The following GATAD2B variants were observed in gnomAD, a reference collection of about 807,000 sequenced individuals.
GATAD2B encodes transcriptional repressor p66-beta.
A neutral mutation model predicts 64.3 loss-of-function variants in GATAD2B; 8 were observed. That is an observed-to-expected ratio of 0.12 (90% CI 0.07 to 0.22). The LOEUF (loss-of-function observed/expected upper bound fraction) is 0.22. GATAD2B is among the 10% of genes least tolerant of loss of function. GATAD2B has a pLI of 1.00. For synonymous variants in GATAD2B, 281 were observed against 271.3 expected (o/e 1.04, Z -0.35); for missense variants, 453 against 752.0 (o/e 0.60, Z 4.65).
At chr1:153,846,621 G>A (rs994917888) in intron 1 of GATAD2B, among the ~76,000 whole-genome samples, 5 of 141,698 alleles carry the variant, frequency 3.5e-5, no homozygotes, top group African/African-American at 1.4e-4. Context: ...GAATGCAGTC[G>A]CGCGATCTCG....
At chr1:153,836,280 T>C (rs1391994294) in intron 1 of GATAD2B, among the ~76,000 whole-genome samples, 1 of 150,488 alleles carries the variant, frequency 6.6e-6, no homozygotes, top group African/African-American at 2.4e-5. Flanking sequence ...TTTTTTTTTT[T>C]TTAGACAGTC....
chr1:153,908,799 AAAAGAAAGAAAG>A (rs1375639844), intron 1 of GATAD2B, among the ~76,000 whole-genome samples: 1 of 149,564 alleles, frequency 6.7e-6, no homozygotes, highest in Non-Finnish European at 1.5e-5. Context: ...AAAAAAAAAA[AAAAGAAAGAAAG>A]AAAGAAACAA....
chr1:153,840,190 G>A (rs1290775031), intron 1 of GATAD2B, among the ~76,000 whole-genome samples: 2 of 148,730 alleles, frequency 1.3e-5, no homozygotes, highest in Non-Finnish European at 3.0e-5. Context: ...CTGCCATCAC[G>A]CCCGGCTAAT....
At chr1:153,856,164 T>C (rs1676076951) in intron 1 of GATAD2B, among the ~76,000 whole-genome samples, 1 of 152,244 alleles carries the variant, frequency 6.6e-6, no homozygotes, top group Non-Finnish European at 1.5e-5. Flanking sequence ...ATGATTATAT[T>C]GGCCCACCTG....
Position 153,868,771 on chromosome 1 carries a change from C to T in GATAD2B, c.-1-40423G>A, listed in dbSNP as rs1270496666. On this transcript the variant is annotated intron_variant, in intron 1 of 10. Coordinates refer to ENST00000368655, the MANE Select transcript of GATAD2B (RefSeq NM_020699.4). ...TTTTTTTTTTGAGAGATTCTTGCTCCGTCACCCAGGGTGGAGTGCAGTGGC... is the reference window on the plus strand; with the variant it reads ...TTTTTTTTTTGAGAGATTCTTGCTCTGTCACCCAGGGTGGAGTGCAGTGGC... 3.4e-5 allele frequency among the ~76,000 whole-genome samples: 5 copies of T among 149,012 alleles called. No individual in the cohort carries two copies. In the East Asian group the frequency reaches 9.8e-4, roughly 29 times the overall value.
rs768413270 is a variant in GATAD2B, at chr1:153,828,358, G to C, written c.-1-10C>G. ...TGTCATTCTATCCATCCTATGGAAA[G>C]AAAAATACAAGTAAGATCAGAATAA... is the stretch of plus-strand genomic sequence containing the variant. On this transcript the variant is annotated splice_polypyrimidine_tract_variant and intron_variant, in intron 1 of 10. Transcript: ENST00000368655. 2.5e-6 allele frequency: 4 copies of C among 1,595,396 alleles called. No homozygotes were observed. Among genetic ancestry groups the C allele is most frequent in the Non-Finnish European group, 3.4e-6 (4 of 1,172,990 alleles).
At chr1:153,901,540 T>C (rs1404617917) in intron 1 of GATAD2B, among the ~76,000 whole-genome samples, 1 of 151,980 alleles carries the variant, frequency 6.6e-6, no homozygotes, top group Non-Finnish European at 1.5e-5. Flanking sequence ...GGTTAAAATG[T>C]CCAACTGCGC....
intron 1 of GATAD2B, among the ~76,000 whole-genome samples, chr1:153,905,353 G>T (rs952018920): frequency 6.6e-6 from 1 of 151,548 alleles, no homozygotes; most frequent in African/African-American, 2.4e-5. Flanking sequence ...CTCCAGCCTG[G>T]GTGACAGAGC....
intron 1 of GATAD2B, among the ~76,000 whole-genome samples, chr1:153,917,512 G>A (rs762542664): frequency 6.6e-5 from 10 of 151,214 alleles, no homozygotes; most frequent in African/African-American, 2.2e-4. Flanking sequence ...CTCCTGCCTC[G>A]GCCTCTCAAG....
intron 1 of GATAD2B, among the ~76,000 whole-genome samples, chr1:153,847,196 G>A (rs1675716232): frequency 6.6e-6 from 1 of 151,884 alleles, no homozygotes; most frequent in African/African-American, 2.4e-5. Flanking sequence ...TGAACTCCTG[G>A]CCTCAAGTGA....
chr1:153,920,794 T>G (rs1678406943), intron 1 of GATAD2B, among the ~76,000 whole-genome samples: 1 of 152,214 alleles, frequency 6.6e-6, no homozygotes, highest in Non-Finnish European at 1.5e-5. Flanking sequence ...TCCTGCTGAT[T>G]AGTACTTTTC....
chr1:153,840,316 T>A (rs1025469539), intron 1 of GATAD2B, among the ~76,000 whole-genome samples: 6 of 149,960 alleles, frequency 4.0e-5, no homozygotes, highest in Non-Finnish European at 8.9e-5. Context: ...GTTACAGGCA[T>A]GAGCCACTGC....
At chr1:153,922,705 C>G (rs1279291745) in intron 1 of GATAD2B, 28 bp downstream of exon 1, 1 of 151,530 alleles carries the variant, frequency 6.6e-6, no homozygotes, top group East Asian at 1.9e-4. Context: ...GGCGGGCGGC[C>G]AGGCTGGCCT....
chr1:153,828,300 C>G lies in GATAD2B; in HGVS notation c.48G>C (p.Arg16=), dbSNP rs1674953246. Residue 16 remains arginine, a synonymous_variant, in exon 2 of 11, where the codon CGG becomes CGC. Coordinates refer to ENST00000368655, the MANE Select transcript of GATAD2B (RefSeq NM_020699.4). ...CTCGCTCATCTGCTGGGTCCAAGCTCCGCTTCAACAGATTCAAGCGAAGAG... is the reference window on the plus strand; with the variant it reads ...CTCGCTCATCTGCTGGGTCCAAGCTGCGCTTCAACAGATTCAAGCGAAGAG... ...EDALRLNLLK[R]SLDPADERDD... The G allele has an allele frequency of 4.3e-6, 7 of 1,613,314 alleles. No individual in the cohort carries two copies. In the East Asian group the frequency reaches 1.6e-4, roughly 36 times the overall value.
intron 1 of GATAD2B, among the ~76,000 whole-genome samples, chr1:153,921,069 A>G (rs1220203925): frequency 6.6e-6 from 1 of 152,178 alleles, no homozygotes; most frequent in African/African-American, 2.4e-5. Context: ...CTTCCCAACT[A>G]AGTACTGACA....
intron 7 of GATAD2B, among the ~76,000 whole-genome samples, chr1:153,815,293 C>CAAAAAAAAAAAAAAAAAAA (rs71093285): frequency 1.8e-5 from 2 of 111,836 alleles, no homozygotes; most frequent in Non-Finnish European, 1.8e-5. Context: ...AAAAAAAAAA[C>CAAAAAAAAAAAAAAAAAAA]AAAAAAAAAA....
Position 153,868,017 on chromosome 1 carries a change from G to A in GATAD2B, c.-1-39669C>T, listed in dbSNP as rs145623169. Among the ~76,000 whole-genome samples the A allele has an allele frequency of 2.7e-3, 404 of 152,070 alleles. 2 individuals carry two copies. Among genetic ancestry groups the A allele is most frequent in the Non-Finnish European group, 5.0e-3 (342 of 67,986 alleles). On this transcript the variant is annotated intron_variant, in intron 1 of 10. Coordinates refer to ENST00000368655, the MANE Select transcript of GATAD2B (RefSeq NM_020699.4). ...AGTTCAAGACCAGCCTGGCCAATAT[G>A]GTGAAACCCCGTCTTTACTTAAAAA...
chr1:153,875,398 G>GA (rs2101933892), intron 1 of GATAD2B, among the ~76,000 whole-genome samples: 2 of 152,194 alleles, frequency 1.3e-5, no homozygotes, highest in African/African-American at 4.8e-5. Flanking sequence ...GAAAGTTTCT[G>GA]AATTTGTATT....
At chr1:153,885,440 G>GGCT (rs1329609669) in intron 1 of GATAD2B, among the ~76,000 whole-genome samples, 1 of 152,026 alleles carries the variant, frequency 6.6e-6, no homozygotes, top group African/African-American at 2.4e-5. Context: ...TTAAAAAAGG[G>GGCT]GCTGGGCATG....
Sources: gnomAD v4.1 joint callset for allele counts (sites outside exome capture counted in the v4.1 genomes callset) on GRCh38, gnomAD v4.1.1 for gene constraint, MANE v1.5 for transcripts, NCBI Gene and HGNC (gene_info 2026-07-23, HGNC 2026-07-21) for gene names.